The following ADD2 variants were observed in gnomAD, a reference collection of about 807,000 sequenced individuals.
ADD2 encodes the protein beta-adducin.
A neutral mutation model predicts 83.0 loss-of-function variants in ADD2; 23 were observed. The observed-to-expected ratio is 0.28, with a 90% CI of 0.20 to 0.39. The LOEUF (loss-of-function observed/expected upper bound fraction) is 0.39. ADD2 is among the 10% of genes least tolerant of loss of function. ADD2 has a pLI of 1.00. For missense variants in ADD2, 758 were observed against 944.9 expected (o/e 0.80, Z 2.59); for synonymous variants, 375 against 375.4 (o/e 1.00, Z 0.01).
At chr2:70,751,320 A>AAGC (rs1674497860) in intron 1 of ADD2, among the ~76,000 whole-genome samples, 1 of 152,180 alleles carries the variant, frequency 6.6e-6, no homozygotes, top group Non-Finnish European at 1.5e-5. Flanking sequence ...GGCCCTTACT[A>AAGC]ATGCTTAGGG....
At chr2:70,665,515 G>A (rs1675750821) in intron 15 of ADD2, among the ~76,000 whole-genome samples, 1 of 152,132 alleles carries the variant, frequency 6.6e-6, no homozygotes, top group African/African-American at 2.4e-5. Context: ...AAACCAGGCT[G>A]GACACAACCA....
At chr2:70,685,127 C>T (rs568440969) in intron 9 of ADD2, among the ~76,000 whole-genome samples, 12 of 152,270 alleles carry the variant, frequency 7.9e-5, no homozygotes, top group African/African-American at 2.4e-4. Flanking sequence ...GATATGATAT[C>T]CCATGTTAGC....
intron 3 of ADD2, among the ~76,000 whole-genome samples, chr2:70,705,837 A>G (rs577836685): frequency 1.3e-5 from 2 of 152,238 alleles, no homozygotes; most frequent in Admixed American, 1.3e-4. Context: ...TGTGGTGTTC[A>G]GTAAAGGGAG....
intron 11 of ADD2, 97 bp downstream of exon 11, chr2:70,678,607 G>A (rs1670295950): frequency 6.8e-7 from 1 of 1,469,172 alleles, no homozygotes; most frequent in African/African-American, 1.4e-5. Flanking sequence ...CTAACCTGGG[G>A]CAGGAGAGGT....
In ADD2 at chr2:70,678,881, G is replaced by A; in HGVS notation, c.1206C>T (p.Ala402=). The A allele has an allele frequency of 6.2e-7, 1 of 1,614,192 alleles. No homozygotes were observed. Among genetic ancestry groups the A allele is most frequent in the Non-Finnish European group, 8.5e-7 (1 of 1,180,036 alleles). The change falls in exon 11 of 16, where the codon GCC becomes GCT. Residue 402 remains alanine, a synonymous_variant. Coordinates refer to ENST00000264436, the MANE Select transcript of ADD2 (RefSeq NM_001617.4). ...CCTCAAACACGAAGGCTGTGACCGT[G>A]GCTGGAATCTCCACCTCACTTTTGT... ...TKHKSEVEIP[A]TVTAFVFEED... is the part of the protein sequence containing the mutation.
intron 4 of ADD2, 99 bp downstream of exon 4, chr2:70,704,222 T>C (rs1671768312): frequency 5.5e-6 from 8 of 1,462,680 alleles, no homozygotes; most frequent in South Asian, 2.6e-5. Context: ...GCTTACTCCA[T>C]AGCCTGGCAA....
intron 10 of ADD2, among the ~76,000 whole-genome samples, chr2:70,681,666 A>G (rs1553369583): frequency 1.3e-5 from 2 of 151,046 alleles, no homozygotes; most frequent in Non-Finnish European, 3.0e-5. Flanking sequence ...TATTTTTAAT[A>G]TTTTTTCAGT....
intron 15 of ADD2, among the ~76,000 whole-genome samples, chr2:70,665,621 T>C (rs1675755169): frequency 6.6e-6 from 1 of 152,078 alleles, no homozygotes; most frequent in African/African-American, 2.4e-5. Flanking sequence ...CCCATTCCCC[T>C]CTGGAAGGCC....
intron 1 of ADD2, among the ~76,000 whole-genome samples, chr2:70,731,416 G>A (rs1390105271): frequency 6.6e-6 from 1 of 152,152 alleles, no homozygotes; most frequent in East Asian, 1.9e-4. Flanking sequence ...GTGCGATTAG[G>A]AGAAAGTTCA....
intron 1 of ADD2, among the ~76,000 whole-genome samples, chr2:70,756,579 T>A (rs1674804532): frequency 6.6e-6 from 1 of 152,204 alleles, no homozygotes; most frequent in Non-Finnish European, 1.5e-5. Flanking sequence ...CAACGATGGC[T>A]AGGAAATAGA....
At position 70,739,967 on chromosome 2, in the gene ADD2, C is replaced by T. The variant is rs182387099; in HGVS notation, c.-153-26783G>A. Among the ~76,000 whole-genome samples, 27 of 152,250 alleles carry T rather than the reference C, an allele frequency of 1.8e-4. No individual in the cohort carries two copies. The East Asian group carries it at 4.8e-3, about 27-fold the overall frequency. On this transcript the variant is annotated intron_variant, in intron 1 of 15. Transcript: ENST00000264436. Reference sequence around the variant, plus strand: ...TGGAATAATCTGCACAATAAATCCCCGTGACACAAGTTTACCTACGTCACA... The same window carrying T: ...TGGAATAATCTGCACAATAAATCCCTGTGACACAAGTTTACCTACGTCACA...
intron 6 of ADD2, among the ~76,000 whole-genome samples, chr2:70,692,847 AG>A (rs1322485512): frequency 1.8e-4 from 28 of 152,190 alleles, no homozygotes. Flanking sequence ...TCTGATTCAG[AG>A]GCTGAGGGGG....
At chr2:70,681,910 G>T (rs1553369626) in intron 10 of ADD2, among the ~76,000 whole-genome samples, 1 of 152,032 alleles carries the variant, frequency 6.6e-6, no homozygotes, top group Admixed American at 6.6e-5. Flanking sequence ...TAGAGATAGG[G>T]TCTTGCTATG....
At position 70,696,888 on chromosome 2, in the gene ADD2, C is replaced by T. The variant is rs561970609; in HGVS notation, c.323-492G>A. 7.2e-5 allele frequency among the ~76,000 whole-genome samples: 11 copies of T among 152,148 alleles called. 1 individual carries two copies. Among genetic ancestry groups the T allele is most frequent in the Admixed American group, 2.0e-4 (3 of 15,280 alleles). On this transcript the variant is annotated intron_variant, in intron 4 of 15. Coordinates refer to ENST00000264436, the MANE Select transcript of ADD2 (RefSeq NM_001617.4). ...TAGAAAGCCAGATCAGAGCTGGGTGCGGTGGCTCACACCTGTAATCCCAGC... is the reference window on the plus strand; with the variant it reads ...TAGAAAGCCAGATCAGAGCTGGGTGTGGTGGCTCACACCTGTAATCCCAGC...
At chr2:70,754,078 A>G (rs1674654163) in intron 1 of ADD2, among the ~76,000 whole-genome samples, 1 of 152,162 alleles carries the variant, frequency 6.6e-6, no homozygotes, top group African/African-American at 2.4e-5. Context: ...AATTAATGAC[A>G]TGAAAACACA....
In ADD2 at chr2:70,674,739, G is replaced by A. The variant is rs1553367864; in HGVS notation, c.1680C>T (p.Leu560=). 2 of 1,614,120 alleles carry A rather than the reference G, an allele frequency of 1.2e-6. No individual in the cohort carries two copies. Among genetic ancestry groups the A allele is most frequent in the Non-Finnish European group, 1.7e-6 (2 of 1,180,020 alleles). The part of the protein sequence containing the change: ...EETVPNPFSQ[L]TDQELEEYKK... ...TGTACTCCTCCAACTCCTGGTCAGTGAGTTGGCTGAAGGGGTTGGGCACCG... is the reference window on the plus strand; with the variant it reads ...TGTACTCCTCCAACTCCTGGTCAGTAAGTTGGCTGAAGGGGTTGGGCACCG... Residue 560 remains leucine, a synonymous_variant, in exon 14 of 16, where the codon CTC becomes CTT. Coordinates refer to ENST00000264436, the MANE Select transcript of ADD2 (RefSeq NM_001617.4).
chr2:70,695,195 A>C (rs1409467620), intron 6 of ADD2, among the ~76,000 whole-genome samples: 3 of 152,134 alleles, frequency 2.0e-5, no homozygotes, highest in Non-Finnish European at 4.4e-5. Flanking sequence ...GTATCTGAGA[A>C]GGATTGGGCC....
chr2:70,709,801 T>C (rs1046183833), intron 2 of ADD2, among the ~76,000 whole-genome samples: 6 of 152,238 alleles, frequency 3.9e-5, no homozygotes, highest in African/African-American at 1.4e-4. Context: ...AGAACACACA[T>C]TGGCCTTGTG....
chr2:70,685,861 T>A (rs1219328666), intron 9 of ADD2, among the ~76,000 whole-genome samples: 1 of 152,204 alleles, frequency 6.6e-6, no homozygotes, highest in African/African-American at 2.4e-5. Flanking sequence ...GGGTAGCAGA[T>A]GGAGAAGAAC....
Sources: allele counts gnomAD v4.1 joint callset (sites outside exome capture counted in the v4.1 genomes callset), GRCh38; gene constraint gnomAD v4.1.1; transcripts MANE v1.5; gene names NCBI Gene and HGNC (gene_info 2026-07-23, HGNC 2026-07-21).